MRPS28: variants seen among roughly 807,000 people sequenced by gnomAD.
The protein encoded by MRPS28 is mitochondrial ribosomal protein S28.
A neutral mutation model predicts 10.8 loss-of-function variants in MRPS28; 7 were observed. The ratio of observed to expected loss-of-function variants is 0.65; its 90% CI spans 0.37 to 1.22. The LOEUF (loss-of-function observed/expected upper bound fraction) is 1.22. Among genes scored for constraint, MRPS28 ranks in the 50% most tolerant of loss-of-function variants. The pLI is 0.02. For synonymous variants in MRPS28, 121 were observed against 93.3 expected, an observed-to-expected ratio of 1.30 and a Z score of -1.71; for missense variants, 265 against 232.9, an observed-to-expected ratio of 1.14 and a Z score of -0.90.
intron 1 of MRPS28, among the ~76,000 whole-genome samples, chr8:80,017,676 G>T (rs1288878312): frequency 6.6e-6 from 1 of 152,138 alleles, no homozygotes; most frequent in Non-Finnish European, 1.5e-5. Flanking sequence ...AACATTTAAA[G>T]AAGAAATCAA....
chr8:79,932,301 T>G (rs911667745), intron 2 of MRPS28, among the ~76,000 whole-genome samples: 1 of 152,062 alleles, frequency 6.6e-6, no homozygotes, highest in African/African-American at 2.4e-5. Flanking sequence ...TAGAGAGGAC[T>G]AGGGAACAAC....
intron 1 of MRPS28, among the ~76,000 whole-genome samples, chr8:80,016,124 C>T (rs1809187871): frequency 6.6e-6 from 1 of 152,078 alleles, no homozygotes; most frequent in African/African-American, 2.4e-5. Context: ...ATATTTGAAA[C>T]AATAATGACT....
intron 2 of MRPS28, among the ~76,000 whole-genome samples, chr8:79,991,946 CT>C: frequency 1.2e-5 from 1 of 85,502 alleles, no homozygotes; most frequent in African/African-American, 3.2e-5. Context: ...CTCTCTCTCT[CT>C]CTCTCTCTCT....
At chr8:80,021,665 A>C (rs1809368652) in intron 1 of MRPS28, among the ~76,000 whole-genome samples, 1 of 152,228 alleles carries the variant, frequency 6.6e-6, no homozygotes, top group Admixed American at 6.5e-5. Flanking sequence ...ATTGCTTCTA[A>C]CAACAAAAAA....
chr8:79,944,610 A>G lies in MRPS28; in HGVS notation c.396-25462T>C, dbSNP rs575912224. Among the ~76,000 whole-genome samples the G allele has an allele frequency of 2.0e-5, 3 of 152,194 alleles. No individual in the cohort carries two copies. In the South Asian group the frequency reaches 6.2e-4, roughly 32 times the overall value. On this transcript the variant is annotated intron_variant, in intron 2 of 2. Transcript: ENST00000276585. The stretch of plus-strand genomic sequence containing the variant: ...GAACCTAAGAGTAGGGCATAGCCAC[A>G]CTGGCTTAGGTCAATGTGGTAGTAG...
chr8:80,021,150 G>C (rs551218865), intron 1 of MRPS28, among the ~76,000 whole-genome samples: 17 of 152,030 alleles, frequency 1.1e-4, no homozygotes, highest in African/African-American at 3.1e-4. Context: ...CTACAGGCAT[G>C]AGCCACCATG....
At chr8:80,012,525 T>C (rs1276648906) in intron 1 of MRPS28, among the ~76,000 whole-genome samples, 2 of 152,202 alleles carry the variant, frequency 1.3e-5, no homozygotes, top group Non-Finnish European at 2.9e-5. Flanking sequence ...ACTGGAAGCA[T>C]ACTGTCACCG....
rs559286408 is a variant in MRPS28 at position 80,013,136 on chromosome 8, GA to G, written c.214-9957del. Among the ~76,000 whole-genome samples the G allele has an allele frequency of 6.6e-3, 978 of 148,476 alleles. 9 individuals carry two copies. The highest frequency in any genetic ancestry group is 0.022 in the African/African-American group (909 of 40,526). The stretch of plus-strand genomic sequence containing the variant: ...ATGACCAACTCAGCCAATAAACAGC[GA>G]AAAAAAAACCCTGAATAAGTCATTT... On this transcript the variant is annotated intron_variant, in intron 1 of 2. Transcript: ENST00000276585.
At chr8:79,958,195 A>C (rs965093244) in intron 2 of MRPS28, 1 of 539,022 alleles carries the variant, frequency 1.9e-6, no homozygotes, top group African/African-American at 2.0e-5. Flanking sequence ...GGGGATGACT[A>C]ATCTACTTTC....
chr8:80,006,595 A>G (rs1808854011), intron 1 of MRPS28, among the ~76,000 whole-genome samples: 1 of 152,212 alleles, frequency 6.6e-6, no homozygotes, highest in Non-Finnish European at 1.5e-5. Context: ...GGATATCACC[A>G]CCGATCCCAC....
intron 1 of MRPS28, among the ~76,000 whole-genome samples, chr8:80,009,890 T>C (rs1167867950): frequency 6.6e-6 from 1 of 152,204 alleles, no homozygotes; most frequent in Non-Finnish European, 1.5e-5. Flanking sequence ...GTCACTATTC[T>C]TTTAATACAA....
At chr8:79,976,234 C>T (rs960861191) in intron 2 of MRPS28, among the ~76,000 whole-genome samples, 2 of 152,072 alleles carry the variant, frequency 1.3e-5, no homozygotes, top group Non-Finnish European at 2.9e-5. Flanking sequence ...CAGGCATGTG[C>T]CACCAAGCCC....
chr8:79,919,937 T>TCCCC (rs372831451), intron 2 of MRPS28, among the ~76,000 whole-genome samples: 2 of 102,166 alleles, frequency 2.0e-5, no homozygotes, highest in Non-Finnish European at 3.8e-5. Flanking sequence ...CCTAATGCTA[T>TCCCC]CCCTCCCCCC....
intron 2 of MRPS28, among the ~76,000 whole-genome samples, chr8:79,996,433 A>G (rs544317287): frequency 1.3e-5 from 2 of 152,372 alleles, no homozygotes; most frequent in African/African-American, 4.8e-5. Context: ...TCTTATAAAC[A>G]GCAGAAACTT....
intron 2 of MRPS28, among the ~76,000 whole-genome samples, chr8:79,942,782 T>C (rs1806804670): frequency 6.6e-6 from 1 of 152,154 alleles, no homozygotes; most frequent in Non-Finnish European, 1.5e-5. Flanking sequence ...AAATTAAATA[T>C]TTTAAAATTC....
At chr8:79,998,634 A>C (rs1221536531) in intron 2 of MRPS28, among the ~76,000 whole-genome samples, 1 of 152,222 alleles carries the variant, frequency 6.6e-6, no homozygotes, top group African/African-American at 2.4e-5. Context: ...ATAATACATA[A>C]AACAGATAAA....
At chr8:80,003,691 T>C (rs1441825979) in intron 1 of MRPS28, among the ~76,000 whole-genome samples, 1 of 151,806 alleles carries the variant, frequency 6.6e-6, no homozygotes, top group Admixed American at 6.6e-5. Flanking sequence ...GCCGAAGCAG[T>C]GCCTCACCCA....
At chr8:80,007,846 C>G (rs531004600) in intron 1 of MRPS28, among the ~76,000 whole-genome samples, 2 of 152,272 alleles carry the variant, frequency 1.3e-5, no homozygotes, top group East Asian at 3.9e-4. Context: ...GGCCATACTG[C>G]CCAAGGTAAT....
At chr8:79,972,162 A>G (rs1807651449) in intron 2 of MRPS28, among the ~76,000 whole-genome samples, 1 of 152,252 alleles carries the variant, frequency 6.6e-6, no homozygotes, top group Non-Finnish European at 1.5e-5. Context: ...ATATAACAAA[A>G]TATAAATAAA....
Sources: gnomAD v4.1 joint callset for allele counts (sites outside exome capture counted in the v4.1 genomes callset) on GRCh38, gnomAD v4.1.1 for gene constraint, MANE v1.5 for transcripts, NCBI Gene and HGNC (gene_info 2026-07-23, HGNC 2026-07-21) for gene names.